DPYD: variants seen among roughly 807,000 people sequenced by gnomAD.
The protein encoded by DPYD is dihydropyrimidine dehydrogenase [NADP(+)].
DPYD carries 109 observed loss-of-function variants against 116.2 expected under a neutral mutation model. The observed-to-expected ratio is 0.94, with a 90% confidence interval of 0.80 to 1.10. The LOEUF (loss-of-function observed/expected upper bound fraction) is 1.10, where lower values mean the gene tolerates loss of function less well. Ranked by LOEUF, DPYD falls within the 50% of genes least tolerant of loss-of-function variation. DPYD has a pLI of 0.00. For synonymous variants in DPYD, 440 were observed against 432.0 expected, an observed-to-expected ratio of 1.02 and a Z score of -0.23; for missense variants, 1,302 against 1,254.5, an observed-to-expected ratio of 1.04 and a Z score of -0.57.
intron 20 of DPYD, among the ~76,000 whole-genome samples, chr1:97,113,347 T>G (rs1244316099): frequency 2.0e-5 from 3 of 152,078 alleles, no homozygotes; most frequent in Admixed American, 1.3e-4. Context: ...CATTATTGAC[T>G]ATCAGAAAGG....
At chr1:97,739,565 T>C (rs1664147446) in intron 4 of DPYD, among the ~76,000 whole-genome samples, 1 of 152,160 alleles carries the variant, frequency 6.6e-6, no homozygotes, top group Admixed American at 6.6e-5. Context: ...AAATAAACTT[T>C]ATACGTAAAA....
At chr1:97,449,383 G>A (rs1676271961) in intron 14 of DPYD, among the ~76,000 whole-genome samples, 3 of 151,992 alleles carry the variant, frequency 2.0e-5, no homozygotes, top group Admixed American at 2.0e-4. Context: ...AAGAGAGGAA[G>A]GATGAGAGAG....
chr1:97,731,540 T>A (rs879431660), intron 4 of DPYD, among the ~76,000 whole-genome samples: 2 of 152,100 alleles, frequency 1.3e-5, no homozygotes, highest in African/African-American at 2.4e-5. Flanking sequence ...GCCTTTTATA[T>A]TTTAATAATA....
At chr1:97,914,211 T>C (rs972647858) in intron 1 of DPYD, among the ~76,000 whole-genome samples, 1 of 152,162 alleles carries the variant, frequency 6.6e-6, no homozygotes, top group African/African-American at 2.4e-5. Context: ...CTCAGTAAGA[T>C]CACACTTTAC....
intron 8 of DPYD, among the ~76,000 whole-genome samples, chr1:97,632,773 G>T (rs1657346840): frequency 6.6e-6 from 1 of 152,008 alleles, no homozygotes; most frequent in Non-Finnish European, 1.5e-5. Flanking sequence ...ATATTTACAG[G>T]TGTCACTACC....
chr1:97,111,362 C>T (rs879715661), intron 20 of DPYD, among the ~76,000 whole-genome samples: 1 of 152,080 alleles, frequency 6.6e-6, no homozygotes, highest in Non-Finnish European at 1.5e-5. Context: ...TATCTGGCCC[C>T]TGCCCACCTC....
intron 3 of DPYD, among the ~76,000 whole-genome samples, chr1:97,807,024 T>C (rs1668109273): frequency 6.6e-6 from 1 of 152,042 alleles, no homozygotes; most frequent in Non-Finnish European, 1.5e-5. Context: ...TAATATTCCT[T>C]TGTCTGGATG....
At chr1:97,472,108 G>C (rs1490979758) in intron 13 of DPYD, among the ~76,000 whole-genome samples, 1 of 152,172 alleles carries the variant, frequency 6.6e-6, no homozygotes, top group Non-Finnish European at 1.5e-5. Context: ...CATAGAGAGG[G>C]AGTTTAAATT....
intron 20 of DPYD, among the ~76,000 whole-genome samples, chr1:97,148,459 G>C (rs998387020): frequency 1.3e-5 from 2 of 152,036 alleles, no homozygotes; most frequent in African/African-American, 4.8e-5. Context: ...GGAATCAAAA[G>C]TCTGATTTTA....
At chr1:97,546,788 A>G in intron 12 of DPYD, 2 of 1,613,084 alleles carry the variant, frequency 1.2e-6, no homozygotes, top group East Asian at 2.2e-5. Context: ...TCAGACTCCT[A>G]TATGGGTTTG....
At chr1:97,772,982 T>G (rs1666220621) in intron 3 of DPYD, among the ~76,000 whole-genome samples, 1 of 152,206 alleles carries the variant, frequency 6.6e-6, no homozygotes, top group Non-Finnish European at 1.5e-5. Flanking sequence ...GAGATTCACT[T>G]GGAGAGTAGA....
chr1:97,826,833 C>A (rs1017569119), intron 3 of DPYD, among the ~76,000 whole-genome samples: 1 of 151,768 alleles, frequency 6.6e-6, no homozygotes, highest in African/African-American at 2.4e-5. Context: ...ATTTTTCCCT[C>A]TTTTTTTTAT....
intron 19 of DPYD, among the ~76,000 whole-genome samples, chr1:97,214,283 A>G (rs2101877771): frequency 6.6e-6 from 1 of 152,268 alleles, no homozygotes; most frequent in South Asian, 2.1e-4. Flanking sequence ...ATTTTCACTC[A>G]CCTGTGTACC....
chr1:97,669,497 A>G (rs749474402), intron 8 of DPYD, among the ~76,000 whole-genome samples: 5 of 152,196 alleles, frequency 3.3e-5, no homozygotes, highest in Non-Finnish European at 5.9e-5. Context: ...CAAAGGCAAG[A>G]TCTGAAGAAA....
At chr1:97,841,225 T>C (rs757303379) in intron 2 of DPYD, among the ~76,000 whole-genome samples, 28 of 152,082 alleles carry the variant, frequency 1.8e-4, no homozygotes, top group Non-Finnish European at 4.0e-4. Flanking sequence ...TCAGATAATT[T>C]ACATGTGATG....
At chr1:97,340,522 A>G (rs1669538967) in intron 16 of DPYD, among the ~76,000 whole-genome samples, 1 of 152,000 alleles carries the variant, frequency 6.6e-6, no homozygotes, top group Non-Finnish European at 1.5e-5. Flanking sequence ...AAGTAAGAAT[A>G]AATTAGCTAG....
chr1:97,555,532 C>G lies in DPYD; in HGVS notation c.1340-5788G>C, dbSNP rs140336814. Among the ~76,000 whole-genome samples, 830 of 152,162 alleles carry G rather than the reference C, an allele frequency of 5.5e-3. 8 individuals are homozygous for G. The highest frequency in any genetic ancestry group is 0.019 in the African/African-American group (789 of 41,512). ...GGTGACCTTACTCTTTCATTTCCTC[C>G]ACTCATTGTGAACACGTCTTACCTT... On this transcript the variant is annotated intron_variant, in intron 11 of 22. Transcript: ENST00000370192.
rs550138443 is a variant in DPYD at position 97,340,009 on chromosome 1, T to C, written c.2058+33552A>G. Among the ~76,000 whole-genome samples the C allele has an allele frequency of 4.6e-5, 7 of 152,254 alleles. No homozygotes were observed. In the South Asian group the frequency reaches 8.3e-4, roughly 18 times the overall value. On this transcript the variant is annotated intron_variant, in intron 16 of 22. Transcript: ENST00000370192. Reference sequence around the variant, plus strand: ...AGTGTGATCATTGTCATTACTGAACTGGATATACTAAGCGAGAAATATTGT... The same window carrying C: ...AGTGTGATCATTGTCATTACTGAACCGGATATACTAAGCGAGAAATATTGT...
intron 12 of DPYD, among the ~76,000 whole-genome samples, chr1:97,545,337 ATT>A (rs1164927876): frequency 6.6e-6 from 1 of 152,116 alleles, no homozygotes; most frequent in African/African-American, 2.4e-5. Flanking sequence ...TTGTTCTAAT[ATT>A]GTTATTCTGT....
Sources: allele counts gnomAD v4.1 joint callset (sites outside exome capture counted in the v4.1 genomes callset), GRCh38; gene constraint gnomAD v4.1.1; transcripts MANE v1.5; gene names NCBI Gene and HGNC (gene_info 2026-07-23, HGNC 2026-07-21).